Variants in THOC2 observed in about 807,000 individuals in gnomAD.
THOC2 encodes the protein THO complex 2.
THOC2 carries 10 observed loss-of-function variants against 128.4 expected under a neutral mutation model. The observed-to-expected ratio is 0.08, with a 90% confidence interval of 0.05 to 0.13. THOC2 has a LOEUF of 0.13. Among genes scored for constraint, THOC2 ranks in the 10% least tolerant of loss-of-function variants. The probability of loss-of-function intolerance (pLI) is 1.00; values close to 1 mark genes in which losing one functional copy is unlikely to be tolerated. For synonymous variants in THOC2, 393 were observed against 396.9 expected (o/e 0.99, Z 0.12); for missense variants, 535 against 1,155.7 (o/e 0.46, Z 7.79).
At chrX:123,639,275 AATTCT>A (rs766260747) in intron 16 of THOC2, among the ~76,000 whole-genome samples, 1 of 111,827 alleles carries the variant, frequency 8.9e-6, no homozygotes, top group East Asian at 2.8e-4. Flanking sequence ...AAATAATTCC[AATTCT>A]ATAAAAAATG....
intron 18 of THOC2, among the ~76,000 whole-genome samples, chrX:123,636,473 G>A (rs142423258): frequency 0.018 from 1,962 of 111,765 alleles, 43 homozygotes; most frequent in African/African-American, 0.06. Context: ...TCATGGTCAC[G>A]TAGTACAAAG....
chrX:123,682,524 C>T, intron 8 of THOC2, among the ~76,000 whole-genome samples: 1 of 112,068 alleles, frequency 8.9e-6, no homozygotes. Context: ...AGAGGCTCTT[C>T]CTCAGACATC....
chrX:123,621,617 CAAAT>C, intron 30 of THOC2, 30 bp from the exon 31 acceptor site: 2 of 995,850 alleles, frequency 2.0e-6, no homozygotes, highest in African/African-American at 1.9e-5. Context: ...GATTTTAACA[CAAAT>C]AATCATAAAA....
At chrX:123,609,620 G>A (rs1378259268) in intron 38 of THOC2, among the ~76,000 whole-genome samples, 1 of 111,578 alleles carries the variant, frequency 9.0e-6, no homozygotes, top group East Asian at 2.8e-4. Flanking sequence ...TTAGGGGGGA[G>A]GTATAGACAA....
intron 7 of THOC2, among the ~76,000 whole-genome samples, chrX:123,694,445 T>A (rs1263323584): frequency 9.1e-6 from 1 of 109,432 alleles, no homozygotes; most frequent in African/African-American, 3.3e-5. Flanking sequence ...CAAAACTCCA[T>A]CTCTACTAAA....
intron 38 of THOC2, chrX:123,603,403 G>A (rs150855237): frequency 3.0e-6 from 1 of 336,099 alleles, no homozygotes. Context: ...CTGGTTCCTG[G>A]AGGCGATTTC....
At chrX:123,608,703 T>C (rs919479992) in intron 38 of THOC2, among the ~76,000 whole-genome samples, 10 of 111,927 alleles carry the variant, frequency 8.9e-5, no homozygotes, top group Non-Finnish European at 1.7e-4. Context: ...GATCGCACCA[T>C]TACACTCCAG....
intron 38 of THOC2, chrX:123,601,855 A>C (rs1348383497): frequency 8.9e-6 from 1 of 112,309 alleles, no homozygotes; most frequent in East Asian, 2.8e-4. Context: ...GATCAACAAA[A>C]AAAGGAAAAT....
chrX:123,704,017 G>C (rs1337586002), intron 3 of THOC2, among the ~76,000 whole-genome samples: 2 of 109,199 alleles, frequency 1.8e-5, no homozygotes, highest in Non-Finnish European at 3.8e-5. Flanking sequence ...TAACAAAGAG[G>C]AAGAAGATAA....
chrX:123,622,687 T>C (rs891528819), intron 30 of THOC2, 71 bp downstream of exon 30: 32 of 811,780 alleles, frequency 3.9e-5, no homozygotes, highest in Admixed American at 1.5e-4. Flanking sequence ...ACCAACCCCG[T>C]CTCAAAAAAA....
intron 23 of THOC2, among the ~76,000 whole-genome samples, 157 bp downstream of exon 23, chrX:123,627,536 C>A (rs966589447): frequency 9.0e-5 from 10 of 111,424 alleles, no homozygotes; most frequent in Middle Eastern, 4.2e-3. Flanking sequence ...AACTCCTGGC[C>A]CCCCACTCAG....
intron 38 of THOC2, chrX:123,603,550 A>G: frequency 1.1e-6 from 1 of 897,985 alleles, no homozygotes; most frequent in Non-Finnish European, 1.6e-6. Context: ...GGTGAAAATA[A>G]TGTTCTGAAA....
intron 28 of THOC2, 29 bp downstream of exon 28, chrX:123,623,758 T>C (rs759143971): frequency 4.5e-5 from 54 of 1,198,347 alleles, no homozygotes; most frequent in Admixed American, 2.6e-4. Flanking sequence ...TCTAGTCTTG[T>C]AAATCACATT....
At chrX:123,719,005 C>T (rs2051560258) in intron 1 of THOC2, among the ~76,000 whole-genome samples, 1 of 109,434 alleles carries the variant, frequency 9.1e-6, no homozygotes, top group Non-Finnish European at 1.9e-5. Flanking sequence ...GAAACCCTGT[C>T]TCTACTAAAA....
rs761396615 is a variant in THOC2, at chrX:123,642,879, G to C, written c.1661+1696C>G. ...ACTGAGTAGATGGAGGATGGAGTGA[G>C]ACTTTTTGCTGTATTTATACCTTTT... On this transcript the variant is annotated intron_variant, in intron 15 of 38. Coordinates refer to ENST00000245838, the MANE Select transcript of THOC2 (RefSeq NM_001081550.2). 2.1e-3 allele frequency among the ~76,000 whole-genome samples: 233 copies of C among 111,395 alleles called. 1 individual carries two copies. Among genetic ancestry groups the C allele is most frequent in the African/African-American group, 7.5e-3 (230 of 30,613 alleles).
At chrX:123,640,092 C>A (rs765307241) in intron 16 of THOC2, among the ~76,000 whole-genome samples, 1 of 111,665 alleles carries the variant, frequency 9.0e-6, no homozygotes, top group East Asian at 2.8e-4. Context: ...GAGGCTGAGG[C>A]AGGAGAATCG....
At chrX:123,709,294 A>G (rs2051077355) in intron 2 of THOC2, among the ~76,000 whole-genome samples, 1 of 111,968 alleles carries the variant, frequency 8.9e-6, no homozygotes, top group African/African-American at 3.2e-5. Context: ...GAGTAGTTTT[A>G]AGAATAGCCA....
At chrX:123,725,735 C>T (rs73547913) in intron 1 of THOC2, among the ~76,000 whole-genome samples, 4,109 of 110,146 alleles carry the variant, frequency 0.037, 139 homozygotes, top group African/African-American at 0.11. Flanking sequence ...CCAGGCAACA[C>T]AGAAATAACA....
At chrX:123,656,152 G>A (rs146543062) in intron 12 of THOC2, among the ~76,000 whole-genome samples, 1 of 107,975 alleles carries the variant, frequency 9.3e-6, no homozygotes, top group African/African-American at 3.4e-5. Context: ...GAGAAACCTC[G>A]TCTGTACTAA....
Sources: gnomAD v4.1 joint callset for allele counts (sites outside exome capture counted in the v4.1 genomes callset) on GRCh38, gnomAD v4.1.1 for gene constraint, MANE v1.5 for transcripts, NCBI Gene and HGNC (gene_info 2026-07-23, HGNC 2026-07-21) for gene names.